The following ROBO1 variants were observed in gnomAD, a reference collection of about 807,000 sequenced individuals.
ROBO1 encodes roundabout guidance receptor 1, also known as roundabout homolog 1.
Under a neutral mutation model 195.9 loss-of-function variants are expected in ROBO1, and 149 were observed. The observed-to-expected ratio is 0.76, with a 90% CI of 0.67 to 0.87. The LOEUF is 0.87. Ranked by LOEUF, ROBO1 falls within the 40% of genes least tolerant of loss-of-function variation. The probability of loss-of-function intolerance (pLI) is 0.00; values close to 1 mark genes in which losing one functional copy is unlikely to be tolerated. For synonymous variants in ROBO1, 816 were observed against 733.2 expected (o/e 1.11, Z -1.82); for missense variants, 1,933 against 2,068.3 (o/e 0.93, Z 1.27).
At chr3:78,864,339 A>T (rs2035032215) in intron 4 of ROBO1, among the ~76,000 whole-genome samples, 1 of 152,192 alleles carries the variant, frequency 6.6e-6, no homozygotes, top group African/African-American at 2.4e-5. Flanking sequence ...AAGCAATTTA[A>T]TTTGATGGAA....
At position 79,568,843 on chromosome 3, in the gene ROBO1, C is replaced by T. The variant is rs138785045; in HGVS notation, c.88+20981G>A. 2.1e-3 allele frequency among the ~76,000 whole-genome samples: 318 copies of T among 152,042 alleles called. 3 individuals carry two copies. Among genetic ancestry groups the T allele is most frequent in the Non-Finnish European group, 2.9e-3 (195 of 68,008 alleles). ...AATATAGTATGTTACATTAATATTA[C>T]GTTATACTCTGAGTTTTAAAAAATA... On this transcript the variant is annotated intron_variant, in intron 2 of 30. Coordinates refer to ENST00000464233, the MANE Select transcript of ROBO1 (RefSeq NM_002941.4).
At chr3:79,276,002 A>G (rs1382826429) in intron 2 of ROBO1, among the ~76,000 whole-genome samples, 3 of 151,994 alleles carry the variant, frequency 2.0e-5, no homozygotes, top group Non-Finnish European at 2.9e-5. Flanking sequence ...AAGCTATTCC[A>G]TGTTCATTGA....
At chr3:79,016,730 T>G (rs751071164) in intron 3 of ROBO1, among the ~76,000 whole-genome samples, 1 of 152,226 alleles carries the variant, frequency 6.6e-6, no homozygotes, top group South Asian at 2.1e-4. Context: ...TTAATCCCCC[T>G]ATCTTCAGTA....
chr3:78,660,827 C>A, intron 16 of ROBO1: 1 of 475,758 alleles, frequency 2.1e-6, no homozygotes, highest in Non-Finnish European at 3.7e-6. Context: ...TGAGGTAGGC[C>A]ACTATTGAAG....
At chr3:78,734,590 T>G (rs566165661) in intron 5 of ROBO1, among the ~76,000 whole-genome samples, 1 of 147,544 alleles carries the variant, frequency 6.8e-6, no homozygotes, top group Non-Finnish European at 1.5e-5. Flanking sequence ...AAAGACTTGT[T>G]TTTTGGGAAA....
intron 2 of ROBO1, among the ~76,000 whole-genome samples, chr3:79,362,410 G>A (rs2109307782): frequency 6.6e-6 from 1 of 152,198 alleles, no homozygotes; most frequent in Non-Finnish European, 1.5e-5. Flanking sequence ...TTAAGCTACA[G>A]AAGAGGAGAG....
At chr3:79,448,415 T>C (rs1559907132) in intron 2 of ROBO1, among the ~76,000 whole-genome samples, 1 of 152,210 alleles carries the variant, frequency 6.6e-6, no homozygotes, top group Non-Finnish European at 1.5e-5. Flanking sequence ...GGTAATTCTA[T>C]TCATTTATCT....
rs181089990 is a variant in ROBO1 at position 78,995,834 on chromosome 3, C to T, written c.173-56907G>A. On this transcript the variant is annotated intron_variant, in intron 3 of 30. Coordinates refer to ENST00000464233, the MANE Select transcript of ROBO1 (RefSeq NM_002941.4). ...AAAGTCCTTACTAGGCCCTTCAAGC[C>T]CCTAAATTAGAGAATAAAAAGTGTG... Among the ~76,000 whole-genome samples, 593 of 151,688 alleles carry T rather than the reference C, an allele frequency of 3.9e-3. 5 individuals are homozygous for T. The highest frequency in any genetic ancestry group is 0.014 in the African/African-American group (565 of 41,390).
At chr3:79,184,154 T>C (rs962615260) in intron 2 of ROBO1, among the ~76,000 whole-genome samples, 2 of 152,186 alleles carry the variant, frequency 1.3e-5, no homozygotes, top group African/African-American at 4.8e-5. Context: ...CAGGATGCAG[T>C]GAACAGAGTA....
intron 2 of ROBO1, among the ~76,000 whole-genome samples, chr3:79,522,574 C>T (rs1941253434): frequency 6.6e-6 from 1 of 152,102 alleles, no homozygotes; most frequent in South Asian, 2.1e-4. Context: ...GGAGAGGAAC[C>T]TCATTTCATT....
intron 3 of ROBO1, among the ~76,000 whole-genome samples, chr3:79,052,789 GAACCC>G (rs1361930755): frequency 6.6e-6 from 1 of 152,074 alleles, no homozygotes; most frequent in Non-Finnish European, 1.5e-5. Context: ...GTGCATGTGG[GAACCC>G]AATTCCCTTT....
chr3:78,971,527 T>C (rs966442311), intron 3 of ROBO1, among the ~76,000 whole-genome samples: 2 of 151,774 alleles, frequency 1.3e-5, no homozygotes, highest in African/African-American at 4.8e-5. Flanking sequence ...GAAAAGGAGG[T>C]CTTGCTACAG....
chr3:78,602,437 C>T (rs1233766900), intron 29 of ROBO1, among the ~76,000 whole-genome samples: 1 of 152,102 alleles, frequency 6.6e-6, no homozygotes, highest in Non-Finnish European at 1.5e-5. Flanking sequence ...GAACACTTAG[C>T]CAATTAAATC....
In ROBO1 at chr3:79,589,967, G is replaced by A. The variant is rs751903126; in HGVS notation, c.-50-6C>T. ...AGTGACAGACAATGTGTTATCTGGG[G>A]AGATTAAAAAAATATTATTTTGTAA... On this transcript the variant is annotated splice_region_variant and splice_polypyrimidine_tract_variant and intron_variant, in intron 1 of 30. Coordinates refer to ENST00000464233, the MANE Select transcript of ROBO1 (RefSeq NM_002941.4). 6.2e-5 allele frequency: 75 copies of A among 1,215,188 alleles called. No individual in the cohort carries two copies. Among genetic ancestry groups the A allele is most frequent in the Non-Finnish European group, 8.5e-5 (71 of 830,976 alleles). The allele number at this position is 1,215,188 out of a possible 1,614,324, so 75.3% of individuals were successfully genotyped here. A position where few individuals can be genotyped will look rare whatever the true frequency, so the allele number is the denominator to read the frequency against.
intron 5 of ROBO1, among the ~76,000 whole-genome samples, chr3:78,746,338 GA>G (rs931967247): frequency 4.0e-4 from 61 of 152,000 alleles, no homozygotes; most frequent in African/African-American, 1.4e-3. Context: ...TTAAAAATGA[GA>G]AAAAAACATA....
intron 3 of ROBO1, among the ~76,000 whole-genome samples, chr3:79,106,322 AT>A (rs1221430865): frequency 6.6e-6 from 1 of 151,580 alleles, no homozygotes; most frequent in Non-Finnish European, 1.5e-5. Flanking sequence ...AGTGCGGCTC[AT>A]TTTTTTATTA....
chr3:79,337,406 C>T (rs576709073), intron 2 of ROBO1, among the ~76,000 whole-genome samples: 1 of 152,214 alleles, frequency 6.6e-6, no homozygotes, highest in Non-Finnish European at 1.5e-5. Flanking sequence ...TGAGTGAGGT[C>T]TCACAAGATC....
intron 1 of ROBO1, among the ~76,000 whole-genome samples, chr3:79,617,745 T>C (rs1289817099): frequency 1.5e-5 from 2 of 136,556 alleles, no homozygotes; most frequent in African/African-American, 5.6e-5. Flanking sequence ...TAATTCAAAG[T>C]GAAATGTAAG....
At chr3:78,622,567 A>ATTCT (rs1427230450) in intron 26 of ROBO1, among the ~76,000 whole-genome samples, 1 of 152,220 alleles carries the variant, frequency 6.6e-6, no homozygotes, top group Non-Finnish European at 1.5e-5. Context: ...AAATGTCCAT[A>ATTCT]GCAATATCTC....
Sources: allele counts gnomAD v4.1 joint callset (sites outside exome capture counted in the v4.1 genomes callset), GRCh38; gene constraint gnomAD v4.1.1; transcripts MANE v1.5; gene names NCBI Gene and HGNC (gene_info 2026-07-23, HGNC 2026-07-21).